Variants in FANCC observed in about 807,000 individuals in gnomAD.
FANCC encodes FA complementation group C.
In FANCC, 55 loss-of-function variants were observed where a neutral mutation model predicts 71.3. That is an observed-to-expected ratio of 0.77 (90% confidence interval 0.62 to 0.97). The LOEUF is 0.97. Among genes scored for constraint, FANCC ranks in the 50% least tolerant of loss-of-function variants. The pLI is 0.00. For synonymous variants in FANCC, 275 were observed against 244.9 expected (o/e 1.12, Z -1.15); for missense variants, 678 against 670.9 (o/e 1.01, Z -0.12).
intron 4 of FANCC, among the ~76,000 whole-genome samples, chr9:95,190,774 A>G (rs1012674221): frequency 6.6e-6 from 1 of 152,222 alleles, no homozygotes; most frequent in Non-Finnish European, 1.5e-5. Context: ...AGTCTAACTT[A>G]GCTGGTACTT....
At chr9:95,221,104 C>T (rs1362435926) in intron 4 of FANCC, among the ~76,000 whole-genome samples, 1 of 151,876 alleles carries the variant, frequency 6.6e-6, no homozygotes, top group Non-Finnish European at 1.5e-5. Context: ...TGGTGGCATG[C>T]ACCTGTAGTC....
At chr9:95,131,601 C>A (rs1205639185) in intron 8 of FANCC, among the ~76,000 whole-genome samples, 3 of 152,168 alleles carry the variant, frequency 2.0e-5, no homozygotes, top group Admixed American at 2.0e-4. Context: ...TTTAGCCATA[C>A]ACATCAGCCA....
At chr9:95,210,381 G>T (rs1192085267) in intron 4 of FANCC, among the ~76,000 whole-genome samples, 1 of 151,782 alleles carries the variant, frequency 6.6e-6, no homozygotes, top group Non-Finnish European at 1.5e-5. Flanking sequence ...AGCAAGAGAA[G>T]TCTCAATTAA....
At chr9:95,285,743 T>G (rs986043800) in intron 1 of FANCC, among the ~76,000 whole-genome samples, 1 of 152,132 alleles carries the variant, frequency 6.6e-6, no homozygotes. Flanking sequence ...TTTCTGGTAA[T>G]GTAATTGGTC....
chr9:95,298,817 C>T (rs895743614), intron 1 of FANCC, among the ~76,000 whole-genome samples: 5 of 152,144 alleles, frequency 3.3e-5, no homozygotes, highest in East Asian at 1.9e-4. Flanking sequence ...AGATTTGAAG[C>T]GGATACCATC....
intron 6 of FANCC, among the ~76,000 whole-genome samples, chr9:95,159,644 C>T (rs1830636713): frequency 6.6e-6 from 1 of 152,198 alleles, no homozygotes; most frequent in Admixed American, 6.5e-5. Context: ...TTTACACTCC[C>T]ATCAACAGTG....
intron 5 of FANCC, among the ~76,000 whole-genome samples, chr9:95,171,459 G>C (rs1291823578): frequency 7.7e-6 from 1 of 130,042 alleles, no homozygotes; most frequent in East Asian, 2.2e-4. Flanking sequence ...CAGTTCATTT[G>C]AAAAAAAAAA....
At chr9:95,258,613 C>T (rs1484696919) in intron 1 of FANCC, among the ~76,000 whole-genome samples, 1 of 152,210 alleles carries the variant, frequency 6.6e-6, no homozygotes. Flanking sequence ...GGAAGCATTT[C>T]CTTTGAAAAC....
intron 4 of FANCC, among the ~76,000 whole-genome samples, chr9:95,209,022 G>C (rs549631217): frequency 2.0e-5 from 3 of 152,022 alleles, no homozygotes; most frequent in Non-Finnish European, 4.4e-5. Context: ...GATGACCTTC[G>C]GTAGGTGAAT....
At chr9:95,174,484 C>T (rs1285000932) in intron 4 of FANCC, among the ~76,000 whole-genome samples, 3 of 151,826 alleles carry the variant, frequency 2.0e-5, no homozygotes, top group Non-Finnish European at 2.9e-5. Context: ...GTGCTAGAGA[C>T]CCATAATAGT....
In FANCC at chr9:95,308,677, C is replaced by T. The variant is rs532877404; in HGVS notation, c.-79+8849G>A. ...TACAGGCATGAGCCACCACGCCCGG[C>T]CTAGACTTAAATTATTTTAAAACCA... On this transcript the variant is annotated intron_variant, in intron 1 of 14. Transcript: ENST00000289081. Among the ~76,000 whole-genome samples the T allele has an allele frequency of 5.3e-5, 8 of 152,250 alleles. No homozygotes were observed. In the East Asian group the frequency reaches 1.5e-3, roughly 29 times the overall value.
In FANCC at chr9:95,227,142, C is replaced by T. The variant is rs1829670471; in HGVS notation, c.345+13507G>A. On this transcript the variant is annotated intron_variant, in intron 4 of 14. Transcript: ENST00000289081. ...GAGCCCGACCTATGACATCATCTCTCAACCCACTCTCTCTCCTCTCTAAGA... is the reference window on the plus strand; with the variant it reads ...GAGCCCGACCTATGACATCATCTCTTAACCCACTCTCTCTCCTCTCTAAGA... Among the ~76,000 whole-genome samples the T allele has an allele frequency of 2.6e-5, 4 of 152,230 alleles. No individual in the cohort carries two copies. The South Asian group carries it at 8.3e-4, about 32-fold the overall frequency.
intron 3 of FANCC, among the ~76,000 whole-genome samples, chr9:95,243,756 T>C (rs1433475457): frequency 1.3e-5 from 2 of 152,168 alleles, no homozygotes; most frequent in Non-Finnish European, 2.9e-5. Flanking sequence ...ATCGCACCAC[T>C]GCACTCCAGC....
chr9:95,244,277 T>C (rs1310058081), intron 3 of FANCC, among the ~76,000 whole-genome samples: 1 of 152,170 alleles, frequency 6.6e-6, no homozygotes, highest in African/African-American at 2.4e-5. Context: ...CAGAGAACCA[T>C]CACATTGAGT....
intron 4 of FANCC, among the ~76,000 whole-genome samples, chr9:95,229,297 C>CAAAA (rs34502007): frequency 4.0e-5 from 4 of 99,382 alleles, no homozygotes; most frequent in African/African-American, 1.2e-4. Context: ...GATTCCTTCT[C>CAAAA]AAAAAAAAAA....
intron 4 of FANCC, among the ~76,000 whole-genome samples, chr9:95,224,377 T>C (rs1392964504): frequency 6.6e-6 from 1 of 152,178 alleles, no homozygotes; most frequent in Non-Finnish European, 1.5e-5. Context: ...TCCATTTAAG[T>C]TCTCTCACCT....
chr9:95,187,389 C>T (rs1826795147), intron 4 of FANCC, among the ~76,000 whole-genome samples: 1 of 152,228 alleles, frequency 6.6e-6, no homozygotes, highest in Non-Finnish European at 1.5e-5. Flanking sequence ...ATCTCCAATG[C>T]CTGTCCTGCA....
At chr9:95,110,244 T>C (rs1400474580) in intron 13 of FANCC, 2 of 1,006,146 alleles carry the variant, frequency 2.0e-6, no homozygotes, top group East Asian at 7.1e-5. Flanking sequence ...TATTGAATAA[T>C]TTATTTCTTT....
intron 4 of FANCC, among the ~76,000 whole-genome samples, chr9:95,178,381 C>T (rs754831306): frequency 6.6e-6 from 1 of 152,108 alleles, no homozygotes; most frequent in Non-Finnish European, 1.5e-5. Flanking sequence ...GGTGGAGATC[C>T]AGGTTCAGAA....
Sources: allele counts gnomAD v4.1 joint callset (sites outside exome capture counted in the v4.1 genomes callset), GRCh38; gene constraint gnomAD v4.1.1; transcripts MANE v1.5; gene names NCBI Gene and HGNC (gene_info 2026-07-23, HGNC 2026-07-21).